HHAT: variants seen among roughly 807,000 people sequenced by gnomAD.
HHAT encodes the protein hedgehog acyltransferase.
Under a neutral mutation model 70.8 loss-of-function variants are expected in HHAT, and 47 were observed. The ratio of observed to expected loss-of-function variants is 0.66; its 90% confidence interval spans 0.53 to 0.85. The LOEUF (loss-of-function observed/expected upper bound fraction) is 0.85, where lower values mean the gene tolerates loss of function less well. Ranked by LOEUF, HHAT falls within the 40% of genes least tolerant of loss-of-function variation. The pLI is 0.00. For synonymous variants in HHAT, 228 were observed against 247.6 expected, an observed-to-expected ratio of 0.92 and a Z score of 0.74; for missense variants, 609 against 604.8, an observed-to-expected ratio of 1.01 and a Z score of -0.07.
intron 7 of HHAT, among the ~76,000 whole-genome samples, chr1:210,423,758 G>A (rs1236529490): frequency 3.9e-5 from 6 of 152,042 alleles, no homozygotes. Context: ...TCTGCATATG[G>A]GTATCCAGTT....
intron 9 of HHAT, among the ~76,000 whole-genome samples, chr1:210,518,056 A>G (rs374468077): frequency 7.2e-5 from 11 of 152,196 alleles, no homozygotes; most frequent in African/African-American, 2.2e-4. Context: ...GTTAGTTAGC[A>G]TATTGGTCAT....
chr1:210,636,078 C>G (rs1213571925), intron 11 of HHAT, among the ~76,000 whole-genome samples: 2 of 152,184 alleles, frequency 1.3e-5, no homozygotes, highest in African/African-American at 4.8e-5. Flanking sequence ...GAATCTGTGT[C>G]TGCTGTGTTC....
chr1:210,472,676 T>C (rs2094225694), intron 8 of HHAT, among the ~76,000 whole-genome samples: 1 of 152,230 alleles, frequency 6.6e-6, no homozygotes, highest in Non-Finnish European at 1.5e-5. Context: ...CAAATATGAA[T>C]GACCAACACC....
At chr1:210,330,589 G>C (rs1185444036) in intron 1 of HHAT, among the ~76,000 whole-genome samples, 1 of 152,096 alleles carries the variant, frequency 6.6e-6, no homozygotes, top group African/African-American at 2.4e-5. Context: ...AGCCGTTTTT[G>C]TGGGTGGCCA....
chr1:210,636,970 A>G (rs553982431), intron 11 of HHAT, among the ~76,000 whole-genome samples: 80 of 152,180 alleles, frequency 5.3e-4, no homozygotes, highest in Non-Finnish European at 1.0e-3. Flanking sequence ...CTTTACTAGT[A>G]TGGGAACTTG....
chr1:210,526,481 A>G (rs1008063248), intron 9 of HHAT, among the ~76,000 whole-genome samples: 1 of 151,758 alleles, frequency 6.6e-6, no homozygotes, highest in Non-Finnish European at 1.5e-5. Flanking sequence ...GAGCTGCGTC[A>G]GTTCCACAAA....
chr1:210,569,373 C>CAAAAAAAAAAAA lies in HHAT; in HGVS notation c.1044-18510_1044-18499dup, dbSNP rs71146233. Among the ~76,000 whole-genome samples the CAAAAAAAAAAAA allele has an allele frequency of 6.0e-3, 170 of 28,338 alleles. 52 individuals carry two copies. The highest frequency in any genetic ancestry group is 0.012 in the South Asian group (5 of 410). The allele number at this position is 28,338 out of a possible 152,430, so 18.6% of individuals were successfully genotyped here. ...CGGGCGACAGAGCCAGAGTCTGCCT[C>CAAAAAAAAAAAA]AAAAAAAAAAAAAAAAAAAAAAAAA... On this transcript the variant is annotated intron_variant, in intron 9 of 11. Coordinates refer to ENST00000261458, the MANE Select transcript of HHAT (RefSeq NM_018194.6).
chr1:210,604,767 A>T (rs1046656464), intron 10 of HHAT, among the ~76,000 whole-genome samples: 12 of 152,122 alleles, frequency 7.9e-5, no homozygotes, highest in Non-Finnish European at 1.8e-4. Context: ...TATAATCCCA[A>T]CACTTTGAGG....
In HHAT at chr1:210,525,187, G is replaced by A. The variant is rs115764725; in HGVS notation, c.1043+11999G>A. Among the ~76,000 whole-genome samples, 1,092 of 152,076 alleles carry A rather than the reference G, an allele frequency of 7.2e-3. 6 individuals carry two copies. The highest frequency in any genetic ancestry group is 0.023 in the African/African-American group (964 of 41,480). ...AGTTCTTAGCCCTCAGCACCCTTGCGTTGATGCCCATTCCCCTTGGATGTC... is the reference window on the plus strand; with the variant it reads ...AGTTCTTAGCCCTCAGCACCCTTGCATTGATGCCCATTCCCCTTGGATGTC... On this transcript the variant is annotated intron_variant, in intron 9 of 11. Coordinates refer to ENST00000261458, the MANE Select transcript of HHAT (RefSeq NM_018194.6).
intron 9 of HHAT, among the ~76,000 whole-genome samples, chr1:210,522,526 C>G (rs936200555): frequency 6.6e-6 from 1 of 152,172 alleles, no homozygotes; most frequent in Non-Finnish European, 1.5e-5. Context: ...CTGGGTCCCC[C>G]CTTCCATCGT....
intron 3 of HHAT, among the ~76,000 whole-genome samples, chr1:210,368,852 C>T (rs1359603831): frequency 5.3e-5 from 8 of 151,950 alleles, no homozygotes; most frequent in East Asian, 1.9e-4. Flanking sequence ...CCGAGGTGGG[C>T]GGATCACCTG....
At chr1:210,596,050 A>G (rs1212241675) in intron 10 of HHAT, among the ~76,000 whole-genome samples, 2 of 152,172 alleles carry the variant, frequency 1.3e-5, no homozygotes, top group Non-Finnish European at 2.9e-5. Context: ...GCCCATGCCT[A>G]TGTCCTGAAT....
chr1:210,624,452 T>C (rs1226217112), intron 11 of HHAT, among the ~76,000 whole-genome samples: 1 of 152,188 alleles, frequency 6.6e-6, no homozygotes, highest in East Asian at 1.9e-4. Flanking sequence ...TTTTGTTTAT[T>C]GCTCTGAACG....
chr1:210,647,512 G>T (rs906634015), intron 11 of HHAT, among the ~76,000 whole-genome samples: 3 of 152,156 alleles, frequency 2.0e-5, no homozygotes, highest in Admixed American at 2.0e-4. Context: ...CATATGGCAC[G>T]TTAGGGGGAG....
chr1:210,621,322 A>G (rs1668786234), intron 10 of HHAT, among the ~76,000 whole-genome samples: 1 of 152,142 alleles, frequency 6.6e-6, no homozygotes, highest in African/African-American at 2.4e-5. Context: ...GGGGAGACTG[A>G]TGGGGTTAGA....
At chr1:210,464,043 G>T (rs2094040349) in intron 7 of HHAT, among the ~76,000 whole-genome samples, 1 of 152,032 alleles carries the variant, frequency 6.6e-6, no homozygotes, top group South Asian at 2.1e-4. Flanking sequence ...TATCTTTTGT[G>T]TTACAAATAA....
chr1:210,586,084 A>G (rs1214254601), intron 9 of HHAT, among the ~76,000 whole-genome samples: 1 of 152,178 alleles, frequency 6.6e-6, no homozygotes, highest in Non-Finnish European at 1.5e-5. Context: ...CAGTTTTATC[A>G]TAGAGTCTTT....
intron 11 of HHAT, among the ~76,000 whole-genome samples, chr1:210,642,168 C>T (rs957991696): frequency 1.3e-5 from 2 of 152,138 alleles, no homozygotes; most frequent in Non-Finnish European, 2.9e-5. Context: ...GACTGTATTT[C>T]TCTTTTGTGT....
At chr1:210,560,814 TAAAAAAAAAA>T (rs60192211) in intron 9 of HHAT, among the ~76,000 whole-genome samples, 17 of 28,512 alleles carry the variant, frequency 6.0e-4, no homozygotes, top group South Asian at 3.7e-3. Context: ...CCCTGTGTCT[TAAAAAAAAAA>T]AAAAAAAAAA....
Sources: gnomAD v4.1 joint callset for allele counts (sites outside exome capture counted in the v4.1 genomes callset) on GRCh38, gnomAD v4.1.1 for gene constraint, MANE v1.5 for transcripts, NCBI Gene and HGNC (gene_info 2026-07-23, HGNC 2026-07-21) for gene names.